The following SYN3 variants were observed in gnomAD, a reference collection of about 807,000 sequenced individuals.
SYN3 encodes the protein synapsin III, also known as synapsin-3.
In SYN3, 35 loss-of-function variants were observed where a neutral mutation model predicts 65.8. The ratio of observed to expected loss-of-function variants is 0.53; its 90% CI spans 0.41 to 0.70. The LOEUF (loss-of-function observed/expected upper bound fraction) is 0.70, where lower values mean the gene tolerates loss of function less well. Among genes scored for constraint, SYN3 ranks in the 30% least tolerant of loss-of-function variants. The pLI, the probability that SYN3 is intolerant of heterozygous loss-of-function variation, is 0.00. For missense variants in SYN3, 680 were observed against 749.0 expected, an observed-to-expected ratio of 0.91 and a Z score of 1.08; for synonymous variants, 270 against 292.9, an observed-to-expected ratio of 0.92 and a Z score of 0.80.
At chr22:32,834,459 G>A (rs2047672520) in intron 6 of SYN3, among the ~76,000 whole-genome samples, 1 of 152,216 alleles carries the variant, frequency 6.6e-6, no homozygotes, top group Middle Eastern at 3.4e-3. Context: ...CACTGCACCC[G>A]GCCAAGCCCA....
At chr22:32,717,715 G>A (rs1601971370) in intron 6 of SYN3, among the ~76,000 whole-genome samples, 1 of 152,288 alleles carries the variant, frequency 6.6e-6, no homozygotes, top group South Asian at 2.1e-4. Context: ...CAGCTCTCAA[G>A]AGTGGTCAAG....
intron 6 of SYN3, among the ~76,000 whole-genome samples, chr22:32,814,594 G>T (rs1056509457): frequency 2.6e-5 from 4 of 152,192 alleles, no homozygotes; most frequent in Non-Finnish European, 4.4e-5. Flanking sequence ...TTTGGCAGCT[G>T]GATAGATTTT....
chr22:32,943,153 C>T (rs148953082), intron 3 of SYN3, among the ~76,000 whole-genome samples: 3,357 of 152,198 alleles, frequency 0.022, 125 homozygotes, highest in African/African-American at 0.077. Context: ...GTCAGATTCA[C>T]CAAAGTTGAA....
chr22:32,814,131 TGTGTGTGTGTGA>T lies in SYN3; in HGVS notation c.711+50772_711+50783del, dbSNP rs1367653234. 1.1e-3 allele frequency among the ~76,000 whole-genome samples: 151 copies of T among 134,560 alleles called. 1 individual carries two copies. Among genetic ancestry groups the T allele is most frequent in the South Asian group, 3.7e-3 (15 of 4,072 alleles). 88.3% of individuals were successfully genotyped at this position (134,560 alleles called of 152,430 possible). A position where few individuals can be genotyped will look rare whatever the true frequency, so the allele number is the denominator to read the frequency against. ...TCGTGTGTGTGTGTGTGTGTGTGTG[TGTGTGTGTGTGA>T]GAGAGAGAGAGAGAGAGAGAGAGAA... On this transcript the variant is annotated intron_variant, in intron 6 of 13. Coordinates refer to ENST00000358763, the MANE Select transcript of SYN3 (RefSeq NM_003490.4).
At chr22:32,748,073 G>A (rs996840684) in intron 6 of SYN3, among the ~76,000 whole-genome samples, 5 of 152,186 alleles carry the variant, frequency 3.3e-5, no homozygotes, top group African/African-American at 1.2e-4. Context: ...AACAAAGCCA[G>A]GTTCCAATCC....
At chr22:32,905,694 A>G (rs558614802) in intron 4 of SYN3, among the ~76,000 whole-genome samples, 1 of 152,262 alleles carries the variant, frequency 6.6e-6, no homozygotes, top group Non-Finnish European at 1.5e-5. Flanking sequence ...TACCAGAGCC[A>G]CAGGGTTTGA....
intron 6 of SYN3, among the ~76,000 whole-genome samples, chr22:32,611,052 G>A (rs5998557): frequency 2.0e-5 from 3 of 151,972 alleles, no homozygotes; most frequent in East Asian, 3.9e-4. Flanking sequence ...GAATGTCTAG[G>A]AAATCTCAAG....
chr22:32,974,181 A>G (rs987044965), intron 3 of SYN3, among the ~76,000 whole-genome samples: 19 of 152,226 alleles, frequency 1.2e-4, no homozygotes, highest in African/African-American at 4.6e-4. Context: ...TGTTCTTGAT[A>G]TTTACAACAC....
chr22:32,868,153 A>C (rs2048739291), intron 5 of SYN3, among the ~76,000 whole-genome samples: 2 of 152,214 alleles, frequency 1.3e-5, no homozygotes, highest in South Asian at 4.1e-4. Context: ...TTTCTGGGAC[A>C]TAGTAAGTGC....
At chr22:32,669,618 G>T (rs1282092379) in intron 6 of SYN3, among the ~76,000 whole-genome samples, 1 of 152,224 alleles carries the variant, frequency 6.6e-6, no homozygotes, top group Non-Finnish European at 1.5e-5. Context: ...TGGGCACGTT[G>T]TTCTCTAATG....
At chr22:33,041,290 CTT>C (rs958184913) in intron 1 of SYN3, among the ~76,000 whole-genome samples, 2 of 126,842 alleles carry the variant, frequency 1.6e-5, no homozygotes, top group African/African-American at 3.1e-5. Flanking sequence ...ACTAGGAACT[CTT>C]TCTTTTTTTT....
At chr22:32,614,957 T>C (rs1219688972) in intron 6 of SYN3, among the ~76,000 whole-genome samples, 2 of 131,724 alleles carry the variant, frequency 1.5e-5, no homozygotes, top group East Asian at 4.2e-4. Flanking sequence ...TCTGCAAATT[T>C]CAGACAAATG....
chr22:32,730,870 T>C (rs1005100628), intron 6 of SYN3, among the ~76,000 whole-genome samples: 1 of 152,186 alleles, frequency 6.6e-6, no homozygotes, highest in African/African-American at 2.4e-5. Context: ...TTGCACATGC[T>C]GTATCTCTGC....
intron 6 of SYN3, among the ~76,000 whole-genome samples, chr22:32,718,463 G>A (rs1321150367): frequency 6.7e-6 from 1 of 149,982 alleles, no homozygotes; most frequent in Non-Finnish European, 1.5e-5. Flanking sequence ...AGCCAAGCAT[G>A]CTATGAGACA....
At chr22:32,832,925 G>A (rs1199649728) in intron 6 of SYN3, among the ~76,000 whole-genome samples, 1 of 151,992 alleles carries the variant, frequency 6.6e-6, no homozygotes, top group Non-Finnish European at 1.5e-5. Flanking sequence ...TAGAGACAGG[G>A]TTTTACCTTG....
At position 32,509,474 on chromosome 22, in the gene SYN3, T is replaced by A. The variant is rs973137855; in HGVS notation, c.*4218A>T. The stretch of plus-strand genomic sequence containing the variant: ...TGTTTGGAAGGAACAGGTACTAGTC[T>A]ATGTGACAGAACAGACTATTTTAGG... On this transcript the variant is annotated 3_prime_UTR_variant, in exon 14 of 14. Transcript: ENST00000358763. 6.6e-6 allele frequency among the ~76,000 whole-genome samples: 1 copy of A among 152,024 alleles called. No homozygotes were observed. Among genetic ancestry groups the A allele is most frequent in the East Asian group, 1.9e-4 (1 of 5,192 alleles).
chr22:33,041,428 C>G (rs568157410), intron 1 of SYN3, among the ~76,000 whole-genome samples: 41 of 151,804 alleles, frequency 2.7e-4, no homozygotes, highest in Non-Finnish European at 4.7e-4. Flanking sequence ...GCAGCTGGGA[C>G]TACAGCTGGG....
chr22:32,589,966 T>C (rs1476704340), intron 7 of SYN3, among the ~76,000 whole-genome samples: 2 of 152,170 alleles, frequency 1.3e-5, no homozygotes, highest in African/African-American at 2.4e-5. Context: ...TTTCCATTCA[T>C]AGATCCTAAG....
chr22:32,532,130 C>T (rs1337727390), intron 10 of SYN3, among the ~76,000 whole-genome samples: 1 of 152,286 alleles, frequency 6.6e-6, no homozygotes, highest in Non-Finnish European at 1.5e-5. Context: ...GGAGACAGGG[C>T]CCCTGCTCTT....
Sources: allele counts gnomAD v4.1 joint callset (sites outside exome capture counted in the v4.1 genomes callset), GRCh38; gene constraint gnomAD v4.1.1; transcripts MANE v1.5; gene names NCBI Gene and HGNC (gene_info 2026-07-23, HGNC 2026-07-21).